DLGAP1: variants seen among roughly 807,000 people sequenced by gnomAD.
DLGAP1 encodes the protein disks large-associated protein 1.
Under a neutral mutation model 90.8 loss-of-function variants are expected in DLGAP1, and 11 were observed. The ratio of observed to expected loss-of-function variants is 0.12; its 90% CI spans 0.08 to 0.20. The LOEUF is 0.20. DLGAP1 is among the 10% of genes least tolerant of loss of function. DLGAP1 has a pLI of 1.00. For missense variants in DLGAP1, 1,050 were observed against 1,333.8 expected (o/e 0.79, Z 3.31); for synonymous variants, 558 against 540.7 (o/e 1.03, Z -0.44).
intron 7 of DLGAP1, among the ~76,000 whole-genome samples, chr18:3,710,799 T>C (rs80300095): frequency 6.6e-6 from 1 of 151,466 alleles, no homozygotes; most frequent in East Asian, 1.9e-4. Context: ...GAACATGGAG[T>C]TGGGAGGTGG....
chr18:4,438,829 G>T (rs1017248992), intron 1 of DLGAP1, among the ~76,000 whole-genome samples: 5 of 152,006 alleles, frequency 3.3e-5, no homozygotes, highest in Admixed American at 6.6e-5. Context: ...TCCATGAAAC[G>T]CCTCTCTCAT....
chr18:4,142,517 C>A (rs1484090530), intron 2 of DLGAP1, among the ~76,000 whole-genome samples: 2 of 152,170 alleles, frequency 1.3e-5, no homozygotes, highest in African/African-American at 4.8e-5. Flanking sequence ...ACGTATTCCA[C>A]AAATAGATTT....
chr18:4,382,504 T>A (rs1030353427), intron 1 of DLGAP1, among the ~76,000 whole-genome samples: 1 of 117,720 alleles, frequency 8.5e-6, no homozygotes, highest in African/African-American at 3.0e-5. Context: ...TTTTTTTTTT[T>A]AAGTATTACT....
intron 3 of DLGAP1, among the ~76,000 whole-genome samples, chr18:3,987,812 T>A (rs1237285269): frequency 6.6e-6 from 1 of 152,170 alleles, no homozygotes; most frequent in African/African-American, 2.4e-5. Context: ...CTTGAAATCA[T>A]TAGACTAAGA....
chr18:3,697,145 C>T (rs1233669245), intron 7 of DLGAP1, among the ~76,000 whole-genome samples: 1 of 152,054 alleles, frequency 6.6e-6, no homozygotes, highest in Admixed American at 6.6e-5. Flanking sequence ...AAAACCAGCT[C>T]CTGGATTCAT....
chr18:4,027,100 C>G lies in DLGAP1; in HGVS notation c.-158-21899G>C, dbSNP rs1246505957. ...TTAACAATAGCAGTAGGATAGGGTA[C>G]TAGATAGTCAGCATGCTTTTTAGGA... On this transcript the variant is annotated intron_variant, in intron 2 of 12. Coordinates refer to ENST00000315677, the MANE Select transcript of DLGAP1 (RefSeq NM_004746.4). Among the ~76,000 whole-genome samples the G allele has an allele frequency of 2.6e-5, 4 of 152,134 alleles. No homozygotes were observed. The East Asian group carries it at 7.7e-4, about 29-fold the overall frequency.
At chr18:4,098,518 TAAAAG>T (rs199996864) in intron 2 of DLGAP1, among the ~76,000 whole-genome samples, 63 of 151,820 alleles carry the variant, frequency 4.1e-4, no homozygotes, top group African/African-American at 1.5e-3. Context: ...AAGAGTTAGG[TAAAAG>T]GAAAGGAGAA....
At chr18:4,193,943 A>G (rs1361594361) in intron 1 of DLGAP1, among the ~76,000 whole-genome samples, 1 of 152,226 alleles carries the variant, frequency 6.6e-6, no homozygotes, top group African/African-American at 2.4e-5. Context: ...ATTAATTTTC[A>G]GATTTTTTAA....
chr18:4,048,727 G>C (rs560092070), intron 2 of DLGAP1, among the ~76,000 whole-genome samples: 2 of 152,314 alleles, frequency 1.3e-5, no homozygotes, highest in South Asian at 4.1e-4. Context: ...TGAAAAGTCT[G>C]AATGTTAGTT....
intron 3 of DLGAP1, chr18:3,894,642 C>T (rs2071568853): frequency 6.6e-6 from 1 of 151,970 alleles, no homozygotes; most frequent in Non-Finnish European, 1.5e-5. Flanking sequence ...GTTCTTTTTG[C>T]TTAGTATTGC....
intron 1 of DLGAP1, among the ~76,000 whole-genome samples, chr18:4,288,620 C>T (rs1415828676): frequency 1.1e-4 from 16 of 151,950 alleles, no homozygotes; most frequent in Non-Finnish European, 5.9e-5. Context: ...TCTGGCTGTG[C>T]CATGTTTTCA....
chr18:4,206,823 G>A (rs1473146241), intron 1 of DLGAP1, among the ~76,000 whole-genome samples: 2 of 151,978 alleles, frequency 1.3e-5, no homozygotes, highest in African/African-American at 4.8e-5. Flanking sequence ...TTCATTCCCT[G>A]GTTTGCAAAA....
At chr18:3,830,613 A>T (rs933937455) in intron 4 of DLGAP1, among the ~76,000 whole-genome samples, 1 of 152,244 alleles carries the variant, frequency 6.6e-6, no homozygotes, top group Non-Finnish European at 1.5e-5. Context: ...CTTTTATTTA[A>T]GCCCTTTGTA....
intron 1 of DLGAP1, among the ~76,000 whole-genome samples, chr18:4,418,192 C>T (rs980970146): frequency 2.0e-5 from 3 of 152,100 alleles, no homozygotes; most frequent in African/African-American, 4.8e-5. Context: ...GCACTAAAGG[C>T]CCAGCAGAGG....
At chr18:3,527,421 T>G (rs908095203) in intron 10 of DLGAP1, among the ~76,000 whole-genome samples, 5 of 148,538 alleles carry the variant, frequency 3.4e-5, no homozygotes, top group South Asian at 2.2e-4. Flanking sequence ...TTTTTTTTTT[T>G]TTTTTTTTTT....
chr18:3,967,927 C>A (rs1008660934), intron 3 of DLGAP1, among the ~76,000 whole-genome samples: 12 of 152,072 alleles, frequency 7.9e-5, no homozygotes, highest in Non-Finnish European at 4.4e-5. Flanking sequence ...AGAGGCAAGC[C>A]ATACTTCCCT....
intron 3 of DLGAP1, among the ~76,000 whole-genome samples, chr18:3,979,513 T>C (rs2149027415): frequency 6.6e-6 from 1 of 152,250 alleles, no homozygotes; most frequent in South Asian, 2.1e-4. Context: ...AGCGTATCTC[T>C]TAGAAAGAAA....
chr18:4,228,299 C>A (rs909858681), intron 1 of DLGAP1, among the ~76,000 whole-genome samples: 1 of 151,896 alleles, frequency 6.6e-6, no homozygotes, highest in Non-Finnish European at 1.5e-5. Context: ...TCAAACTGTT[C>A]TAAAAAACAG....
chr18:3,652,698 G>A (rs909064804), intron 7 of DLGAP1, among the ~76,000 whole-genome samples: 2 of 152,170 alleles, frequency 1.3e-5, no homozygotes, highest in Non-Finnish European at 2.9e-5. Context: ...TAGAAATGTG[G>A]AACTTTTCCA....
Sources: allele counts gnomAD v4.1 joint callset (sites outside exome capture counted in the v4.1 genomes callset), GRCh38; gene constraint gnomAD v4.1.1; transcripts MANE v1.5; gene names NCBI Gene and HGNC (gene_info 2026-07-23, HGNC 2026-07-21).